The following EXOC4 variants were observed in gnomAD, a reference collection of about 807,000 sequenced individuals.
EXOC4 encodes the protein exocyst complex component 4.
A neutral mutation model predicts 107.2 loss-of-function variants in EXOC4; 71 were observed. The observed-to-expected ratio is 0.66, with a 90% confidence interval of 0.55 to 0.81. EXOC4 has a LOEUF of 0.81. EXOC4 is among the 30% of genes least tolerant of loss of function. EXOC4 has a pLI of 0.00. For missense variants in EXOC4, 1,108 were observed against 1,189.6 expected, an observed-to-expected ratio of 0.93 and a Z score of 1.01; for synonymous variants, 456 against 441.2, an observed-to-expected ratio of 1.03 and a Z score of -0.42.
At chr7:133,614,231 ACT>A (rs1291951272) in intron 9 of EXOC4, among the ~76,000 whole-genome samples, 1 of 152,036 alleles carries the variant, frequency 6.6e-6, no homozygotes, top group African/African-American at 2.4e-5. Flanking sequence ...GGCTAACTCT[ACT>A]CTTTTGTGCA....
chr7:133,408,318 T>C (rs1041404928), intron 7 of EXOC4, among the ~76,000 whole-genome samples: 4 of 148,706 alleles, frequency 2.7e-5, no homozygotes, highest in East Asian at 4.0e-4. Context: ...GTGGGGATGA[T>C]AGAGCTGGGG....
chr7:133,568,587 A>G (rs751873350), intron 9 of EXOC4, among the ~76,000 whole-genome samples: 1 of 152,174 alleles, frequency 6.6e-6, no homozygotes, highest in Non-Finnish European at 1.5e-5. Context: ...TTATGACTTC[A>G]CTATTTCAAC....
chr7:133,716,879 G>A (rs1795008806), intron 10 of EXOC4, among the ~76,000 whole-genome samples: 1 of 152,152 alleles, frequency 6.6e-6, no homozygotes. Context: ...GGCAGAGATT[G>A]TGGTGAGCCC....
chr7:134,013,273 C>T (rs1037666514), intron 17 of EXOC4, among the ~76,000 whole-genome samples: 10 of 152,070 alleles, frequency 6.6e-5, no homozygotes, highest in Non-Finnish European at 1.2e-4. Context: ...GAAAATGGCA[C>T]GTTACCAAAA....
intron 10 of EXOC4, among the ~76,000 whole-genome samples, chr7:133,669,901 A>T (rs939041941): frequency 1.3e-5 from 2 of 152,192 alleles, no homozygotes; most frequent in African/African-American, 4.8e-5. Flanking sequence ...TTATTTCCAC[A>T]GTTATTTTCT....
At chr7:133,799,527 T>C (rs1796888841) in intron 10 of EXOC4, among the ~76,000 whole-genome samples, 1 of 152,158 alleles carries the variant, frequency 6.6e-6, no homozygotes, top group South Asian at 2.1e-4. Context: ...ATGTTCTAAA[T>C]AAGCAGAAAA....
At chr7:133,472,813 A>G (rs567399084) in intron 7 of EXOC4, among the ~76,000 whole-genome samples, 2 of 152,270 alleles carry the variant, frequency 1.3e-5, no homozygotes, top group African/African-American at 4.8e-5. Context: ...TAGACTAACA[A>G]TGCTGAGAGG....
At chr7:134,081,587 T>G in the EXOC4 span, among the ~76,000 whole-genome samples, 23 of 152,186 alleles carry the variant, frequency 1.5e-4, no homozygotes, top group African/African-American at 5.5e-4. Flanking sequence ...ACATAATAGA[T>G]GGTCAATAAA....
chr7:133,944,996 C>G (rs1437634288), intron 14 of EXOC4, among the ~76,000 whole-genome samples: 1 of 152,182 alleles, frequency 6.6e-6, no homozygotes, highest in Non-Finnish European at 1.5e-5. Context: ...ATTGTTGACT[C>G]AAAACCCATT....
At chr7:134,017,689 C>G (rs1227273326) in intron 17 of EXOC4, among the ~76,000 whole-genome samples, 2 of 152,078 alleles carry the variant, frequency 1.3e-5, no homozygotes, top group African/African-American at 2.4e-5. Context: ...GGTGAGCATG[C>G]CTTACTGGTC....
At chr7:134,051,566 G>T (rs540198976) in intron 17 of EXOC4, among the ~76,000 whole-genome samples, 1 of 151,976 alleles carries the variant, frequency 6.6e-6, no homozygotes, top group South Asian at 2.1e-4. Context: ...CAGCTACTCC[G>T]GAGGCTGAGG....
intron 10 of EXOC4, among the ~76,000 whole-genome samples, chr7:133,714,004 T>C (rs1794949173): frequency 6.6e-6 from 1 of 152,134 alleles, no homozygotes; most frequent in South Asian, 2.1e-4. Context: ...CATAGAAATA[T>C]GGCGGGGAAT....
chr7:133,287,572 C>G (rs1794310755), intron 2 of EXOC4, among the ~76,000 whole-genome samples: 1 of 152,178 alleles, frequency 6.6e-6, no homozygotes, highest in South Asian at 2.1e-4. Context: ...CTCGGCCTCC[C>G]AAAGTGCTGG....
rs768543056 is a variant in EXOC4, at chr7:133,288,900, G to A, written c.277-22G>A. ...CTGGCAAGACTTTGGACTGACCCAA[G>A]ACCGAATCTGTTTTATTGTAGGTAA... On this transcript the variant is annotated intron_variant, in intron 2 of 17. Coordinates refer to ENST00000253861, the MANE Select transcript of EXOC4 (RefSeq NM_021807.4). 2.5e-6 allele frequency: 4 copies of A among 1,610,964 alleles called. No individual in the cohort carries two copies. In the South Asian group the frequency reaches 3.3e-5, roughly 13 times the overall value.
intron 9 of EXOC4, among the ~76,000 whole-genome samples, chr7:133,598,007 A>G (rs992569374): frequency 2.6e-5 from 4 of 152,086 alleles, no homozygotes; most frequent in African/African-American, 9.7e-5. Context: ...AATAAGAGCA[A>G]CACTCTGTCT....
chr7:134,068,577 T>C (rs111705080), downstream of EXOC4, among the ~76,000 whole-genome samples: 4,574 of 152,210 alleles, frequency 0.03, 198 homozygotes, highest in African/African-American at 0.095. Flanking sequence ...AGTATGAAAA[T>C]GGACTAATAT....
intron 7 of EXOC4, among the ~76,000 whole-genome samples, chr7:133,450,324 C>T (rs1009479450): frequency 6.6e-6 from 1 of 151,890 alleles, no homozygotes; most frequent in Admixed American, 6.6e-5. Flanking sequence ...GTCACCACAC[C>T]CATTTAATTT....
chr7:133,303,554 G>T (rs1171069057), intron 3 of EXOC4, among the ~76,000 whole-genome samples: 1 of 152,162 alleles, frequency 6.6e-6, no homozygotes, highest in Non-Finnish European at 1.5e-5. Context: ...TTAGAGTAAG[G>T]GAAGACAGTG....
intron 1 of EXOC4, among the ~76,000 whole-genome samples, chr7:133,267,514 G>A (rs889693896): frequency 6.6e-6 from 1 of 152,084 alleles, no homozygotes; most frequent in African/African-American, 2.4e-5. Flanking sequence ...TATCCGAGAG[G>A]CCCTCCCTGG....
Sources: allele counts gnomAD v4.1 joint callset (sites outside exome capture counted in the v4.1 genomes callset), GRCh38; gene constraint gnomAD v4.1.1; transcripts MANE v1.5; gene names NCBI Gene and HGNC (gene_info 2026-07-23, HGNC 2026-07-21).